Variants in DPYSL3 observed in about 807,000 individuals in gnomAD.
DPYSL3 encodes dihydropyrimidinase like 3.
In DPYSL3, 16 loss-of-function variants were observed where a neutral mutation model predicts 66.1. That is an observed-to-expected ratio of 0.24 (90% confidence interval 0.16 to 0.37). The LOEUF is 0.37. DPYSL3 is among the 10% of genes least tolerant of loss of function. The probability of loss-of-function intolerance (pLI) is 1.00; values close to 1 mark genes in which losing one functional copy is unlikely to be tolerated. For missense variants in DPYSL3, 738 were observed against 916.2 expected (o/e 0.81, Z 2.51); for synonymous variants, 338 against 345.1 (o/e 0.98, Z 0.23).
At chr5:147,443,336 T>A (rs1752569773) in intron 1 of DPYSL3, among the ~76,000 whole-genome samples, 1 of 152,096 alleles carries the variant, frequency 6.6e-6, no homozygotes, top group South Asian at 2.1e-4. Flanking sequence ...TGCAGGGACA[T>A]GGATGAAGCT....
chr5:147,397,165 T>A (rs896642193), intron 12 of DPYSL3, among the ~76,000 whole-genome samples: 13 of 117,306 alleles, frequency 1.1e-4, no homozygotes, highest in African/African-American at 4.7e-4. Flanking sequence ...CATGTATGTA[T>A]CTATAGACCT....
chr5:147,450,171 A>AT (rs1008016244), intron 1 of DPYSL3, among the ~76,000 whole-genome samples: 3 of 152,128 alleles, frequency 2.0e-5, no homozygotes, highest in Non-Finnish European at 4.4e-5. Flanking sequence ...TGAGCAAATT[A>AT]TTTTTTATTT....
chr5:147,484,215 AT>A (rs1753293334), intron 1 of DPYSL3, among the ~76,000 whole-genome samples: 1 of 152,090 alleles, frequency 6.6e-6, no homozygotes, highest in South Asian at 2.1e-4. Flanking sequence ...ACCAAACAGA[AT>A]TTTTCTCCTA....
intron 1 of DPYSL3, among the ~76,000 whole-genome samples, chr5:147,431,037 T>C (rs1182270517): frequency 6.6e-6 from 1 of 152,238 alleles, no homozygotes; most frequent in African/African-American, 2.4e-5. Flanking sequence ...AAGATCCTTT[T>C]AAAATCCAGA....
At chr5:147,496,154 T>C (rs1178754534) in intron 1 of DPYSL3, among the ~76,000 whole-genome samples, 3 of 152,130 alleles carry the variant, frequency 2.0e-5, no homozygotes, top group Admixed American at 2.0e-4. Flanking sequence ...GGGGAAAGGA[T>C]TCCCTATTTA....
intron 1 of DPYSL3, among the ~76,000 whole-genome samples, chr5:147,489,554 A>G (rs550634256): frequency 5.9e-4 from 90 of 152,330 alleles, no homozygotes; most frequent in Middle Eastern, 3.4e-3. Context: ...TCTTGCAAAA[A>G]TAAGTACTCC....
intron 1 of DPYSL3, among the ~76,000 whole-genome samples, chr5:147,468,399 G>A (rs145300780): frequency 9.2e-5 from 14 of 152,336 alleles, no homozygotes; most frequent in African/African-American, 3.4e-4. Flanking sequence ...AGAAAGATAA[G>A]AGGAAAGCTC....
intron 1 of DPYSL3, among the ~76,000 whole-genome samples, chr5:147,494,247 G>C (rs1753462643): frequency 1.3e-5 from 2 of 152,100 alleles, no homozygotes; most frequent in South Asian, 4.1e-4. Flanking sequence ...TTGAATACAT[G>C]TATTAAAAAA....
At chr5:147,441,741 A>G (rs571703059) in intron 1 of DPYSL3, among the ~76,000 whole-genome samples, 18 of 152,248 alleles carry the variant, frequency 1.2e-4, no homozygotes, top group African/African-American at 4.3e-4. Context: ...CAATCATTCA[A>G]ATGAAGGGGT....
chr5:147,428,591 T>C (rs1048492226), intron 1 of DPYSL3, among the ~76,000 whole-genome samples: 5 of 152,146 alleles, frequency 3.3e-5, no homozygotes, highest in Non-Finnish European at 7.3e-5. Context: ...ATGAGCCTGA[T>C]AGATTAACAC....
chr5:147,499,550 G>A lies in DPYSL3; in HGVS notation c.381+9928C>T, dbSNP rs189991075. On this transcript the variant is annotated intron_variant, in intron 1 of 13. Transcript: ENST00000343218. ...AAGCTACAAAACTCTGATGAAAGGT[G>A]TCAAAGAAGAACTAAATAAAGGGAG... 2.4e-3 allele frequency among the ~76,000 whole-genome samples: 360 copies of A among 152,256 alleles called. 3 individuals carry two copies. The highest frequency in any genetic ancestry group is 0.014 in the Middle Eastern group (4 of 294).
Position 147,395,550 on chromosome 5 carries a change from C to T in DPYSL3, c.1966+9G>A, listed in dbSNP as rs1263462542. The T allele has an allele frequency of 1.2e-6, 2 of 1,606,872 alleles. No individual in the cohort carries two copies. The highest frequency in any genetic ancestry group is 1.7e-6 in the Non-Finnish European group (2 of 1,176,546). ...TTCTCTTATCTTTTGATGAGCCTGT[C>T]CCACTCACCTGACAGGCTAAATCCC... On this transcript the variant is annotated intron_variant, in intron 13 of 13. Transcript: ENST00000343218.
chr5:147,479,575 C>G (rs1454618842), intron 1 of DPYSL3, among the ~76,000 whole-genome samples: 1 of 152,178 alleles, frequency 6.6e-6, no homozygotes, highest in Non-Finnish European at 1.5e-5. Flanking sequence ...CACATCAGAG[C>G]AACCACAGAG....
intron 1 of DPYSL3, among the ~76,000 whole-genome samples, chr5:147,503,017 G>A (rs1303984357): frequency 6.6e-6 from 1 of 152,158 alleles, no homozygotes; most frequent in Admixed American, 6.5e-5. Flanking sequence ...ACCAGCACCT[G>A]GTCTGTAGCC....
chr5:147,437,504 T>G (rs1360294667), intron 1 of DPYSL3, among the ~76,000 whole-genome samples: 1 of 152,212 alleles, frequency 6.6e-6, no homozygotes, highest in African/African-American at 2.4e-5. Context: ...CTGGCTTATG[T>G]AACTTCCTAA....
chr5:147,467,586 T>C (rs532528720), intron 1 of DPYSL3, among the ~76,000 whole-genome samples: 1 of 152,300 alleles, frequency 6.6e-6, no homozygotes, highest in South Asian at 2.1e-4. Context: ...ACACAATTAA[T>C]GCATATTTTA....
chr5:147,425,083 A>G (rs1257536842), intron 1 of DPYSL3, 120 bp from the exon 2 acceptor site: 1 of 686,626 alleles, frequency 1.5e-6, no homozygotes, highest in Admixed American at 2.8e-5. Flanking sequence ...TACCAAAGAC[A>G]TATGTGTGCT....
At chr5:147,407,017 T>C (rs775869377) in intron 7 of DPYSL3, among the ~76,000 whole-genome samples, 1 of 152,180 alleles carries the variant, frequency 6.6e-6, no homozygotes, top group Non-Finnish European at 1.5e-5. Flanking sequence ...ACCCAGAATT[T>C]TGTACTCTGG....
intron 1 of DPYSL3, among the ~76,000 whole-genome samples, chr5:147,483,177 G>A (rs902428794): frequency 6.6e-6 from 1 of 151,864 alleles, no homozygotes; most frequent in African/African-American, 2.4e-5. Context: ...GGCCCAGAAA[G>A]GTAAAGGGAT....
Sources: allele counts gnomAD v4.1 joint callset (sites outside exome capture counted in the v4.1 genomes callset), GRCh38; gene constraint gnomAD v4.1.1; transcripts MANE v1.5; gene names NCBI Gene and HGNC (gene_info 2026-07-23, HGNC 2026-07-21).